Variants in HAPLN2 observed in about 807,000 individuals in gnomAD.
HAPLN2 encodes the protein hyaluronan and proteoglycan link protein 2, also known as brain link protein-1.
HAPLN2 carries 27 observed loss-of-function variants against 29.3 expected under a neutral mutation model. The ratio of observed to expected loss-of-function variants is 0.92; its 90% CI spans 0.68 to 1.27. The LOEUF (loss-of-function observed/expected upper bound fraction) is 1.27. Among genes scored for constraint, HAPLN2 ranks in the 50% most tolerant of loss-of-function variants. The probability of loss-of-function intolerance (pLI) is 0.00; values close to 1 mark genes in which losing one functional copy is unlikely to be tolerated. For synonymous variants in HAPLN2, 208 were observed against 211.7 expected, an observed-to-expected ratio of 0.98 and a Z score of 0.15; for missense variants, 454 against 484.3, an observed-to-expected ratio of 0.94 and a Z score of 0.59.
the HAPLN2 span, chr1:156,601,527 GAACCAAAATCACGGTT>G: frequency 6.8e-7 from 1 of 1,471,680 alleles, no homozygotes; most frequent in South Asian, 1.2e-5. Context: ...ACGTCCGCGG[GAACCAAAATCACGGTT>G]TTTCCAGGAG....
the HAPLN2 span, among the ~76,000 whole-genome samples, chr1:156,601,977 A>G: frequency 6.6e-6 from 1 of 151,486 alleles, no homozygotes; most frequent in Admixed American, 6.6e-5. Context: ...TCTGTTGCCC[A>G]GACTTGAGGG....
chr1:156,618,400 G>T (rs1359617048), upstream of HAPLN2, among the ~76,000 whole-genome samples: 1 of 151,396 alleles, frequency 6.6e-6, no homozygotes, highest in Non-Finnish European at 1.5e-5. Context: ...GATCTCTTGA[G>T]CCCAGGTGTT....
upstream of HAPLN2, among the ~76,000 whole-genome samples, chr1:156,618,491 T>G (rs1260198680): frequency 1.3e-5 from 2 of 150,910 alleles, no homozygotes; most frequent in African/African-American, 4.9e-5. Context: ...AAAAAAAATT[T>G]TAAAAAGGCC....
At chr1:156,621,207 C>T (rs530339099) in intron 2 of HAPLN2, among the ~76,000 whole-genome samples, 133 of 148,400 alleles carry the variant, frequency 9.0e-4, no homozygotes, top group African/African-American at 3.3e-3. Flanking sequence ...TGGTTTCAAG[C>T]GATTCTCCTG....
the HAPLN2 span, among the ~76,000 whole-genome samples, chr1:156,611,593 A>C: frequency 5.3e-5 from 8 of 152,128 alleles, no homozygotes; most frequent in East Asian, 1.2e-3. Context: ...AAACAAAAAA[A>C]CCCCTAAAAC....
chr1:156,624,317 G>A (rs769375024), intron 4 of HAPLN2, 34 bp from the exon 5 acceptor site: 2 of 1,561,356 alleles, frequency 1.3e-6, no homozygotes, highest in South Asian at 1.2e-5. Context: ...GCTCCCATCC[G>A]CTGGCCCTCC....
chr1:156,613,722 C>T, the HAPLN2 span, among the ~76,000 whole-genome samples: 2 of 151,868 alleles, frequency 1.3e-5, no homozygotes, highest in African/African-American at 4.8e-5. Context: ...TCGAGATCAG[C>T]CTGGCCAACA....
In HAPLN2 at chr1:156,623,967, GATCCTC is replaced by G. The variant is rs745679954; in HGVS notation, c.250_255del (p.Leu84_Ile85del). The G allele has an allele frequency of 4.4e-6, 7 of 1,608,256 alleles. No individual in the cohort carries two copies. In the Admixed American group the frequency reaches 1.0e-4, roughly 23 times the overall value. ...AGCCTGGGGAGCTCCGGGAAACGCT[GATCCTC>G]ATCACCAACGGACTGCACGCCCGGG... On this transcript the variant is annotated inframe_deletion, in exon 4 of 7. Transcript: ENST00000255039.
chr1:156,612,701 G>A, the HAPLN2 span, among the ~76,000 whole-genome samples: 12 of 152,276 alleles, frequency 7.9e-5, no homozygotes, highest in South Asian at 2.1e-4. Context: ...TTAGCTACGC[G>A]AAGGACTTGC....
chr1:156,603,033 A>G, the HAPLN2 span, among the ~76,000 whole-genome samples: 1 of 152,098 alleles, frequency 6.6e-6, no homozygotes, highest in Non-Finnish European at 1.5e-5. Flanking sequence ...TACTTTCAAA[A>G]CATGCTACAT....
rs757925501 is a variant in HAPLN2 at position 156,624,701 on chromosome 1, C to T, written c.657C>T (p.Gly219=). 5.6e-6 allele frequency: 9 copies of T among 1,593,312 alleles called. No homozygotes were observed. The Admixed American group carries it at 8.6e-5, about 15-fold the overall frequency. Residue 219 remains glycine, a synonymous_variant, in exon 6 of 7, where the codon GGC becomes GGT. Coordinates refer to ENST00000255039, the MANE Select transcript of HAPLN2 (RefSeq NM_021817.3). ...CACGCGCCCCGTGCGGCGGCCGAGG[C>T]CGGCCCGGGATCCGCAGCTACGGAC... is the stretch of plus-strand genomic sequence containing the variant. The part of the protein sequence containing the change: ...LTARAPCGGR[G]RPGIRSYGPR...
chr1:156,618,928 T>C (rs185939365), upstream of HAPLN2, among the ~76,000 whole-genome samples: 90 of 152,186 alleles, frequency 5.9e-4, no homozygotes, highest in African/African-American at 2.1e-3. Context: ...AGATAACTTC[T>C]CTTTTGGAGA....
the HAPLN2 span, among the ~76,000 whole-genome samples, chr1:156,604,588 A>G: frequency 3.9e-5 from 6 of 152,162 alleles, no homozygotes; most frequent in African/African-American, 1.2e-4. Flanking sequence ...TGCCCGGCCA[A>G]AGAATTCTTA....
Position 156,625,482 on chromosome 1 carries a change from A to G in HAPLN2, c.*98A>G, listed in dbSNP as rs1434594138. 5.8e-5 allele frequency: 75 copies of G among 1,286,854 alleles called. No individual in the cohort carries two copies. Among genetic ancestry groups the G allele is most frequent in the Non-Finnish European group, 7.7e-5 (74 of 960,930 alleles). 79.7% of individuals were successfully genotyped at this position (1,286,854 alleles called of 1,614,324 possible). A position where few individuals can be genotyped will look rare whatever the true frequency, so the allele number is the denominator to read the frequency against. ...TCCGGAGAGCCTCCCCTCCCTCCAGACCCGGAGCGGCCTCTCCAGACCTGC... is the reference window on the plus strand; with the variant it reads ...TCCGGAGAGCCTCCCCTCCCTCCAGGCCCGGAGCGGCCTCTCCAGACCTGC... On this transcript the variant is annotated 3_prime_UTR_variant, in exon 7 of 7. Coordinates refer to ENST00000255039, the MANE Select transcript of HAPLN2 (RefSeq NM_021817.3). This position sits in a 1 kb window ranked among gnomAD's most constrained non-coding sequence, Gnocchi z 5.7.
chr1:156,623,775 G>C, intron 3 of HAPLN2, 32 bp from the exon 4 acceptor site: 1 of 1,473,974 alleles, frequency 6.8e-7, no homozygotes, highest in Non-Finnish European at 9.0e-7. Flanking sequence ...TGAGGATTGG[G>C]GGTTCCTGCC....
Position 156,623,790 on chromosome 1 carries a change from TG to T in HAPLN2, c.86-15del, listed in dbSNP as rs1678336403. 1.3e-6 allele frequency: 2 copies of T among 1,485,080 alleles called. No individual in the cohort carries two copies. The highest frequency in any genetic ancestry group is 2.8e-5 in the South Asian group (2 of 72,068). 92.0% of individuals were successfully genotyped at this position (1,485,080 alleles called of 1,614,324 possible). ...TGAGGATTGGGGGTTCCTGCCACTG[TG>T]GCCCCCTCTGCCCAGCATCCCACCC... On this transcript the variant is annotated splice_polypyrimidine_tract_variant and intron_variant, in intron 3 of 6. Transcript: ENST00000255039.
rs1194779928 is a variant in HAPLN2, at chr1:156,624,094, C to G, written c.373C>G (p.Arg125Gly). ...IAGVRLEDEGRYRCELINGIE... is the reference protein window; with the variant it reads ...IAGVRLEDEGGYRCELINGIE... ...GGGCGTGCGCCTGGAGGACGAGGGCCGGTACCGCTGCGAGCTCATCAACGG... is the reference window on the plus strand; with the variant it reads ...GGGCGTGCGCCTGGAGGACGAGGGCGGGTACCGCTGCGAGCTCATCAACGG... The change falls in exon 4 of 7, where the codon CGG (arginine) becomes GGG (glycine). Residue 125 changes from arginine to glycine, a missense_variant. Arg to Gly is a moderately radical substitution (Grantham distance 125, BLOSUM62 -2). Coordinates refer to ENST00000255039, the MANE Select transcript of HAPLN2 (RefSeq NM_021817.3). 6.2e-6 allele frequency: 10 copies of G among 1,613,712 alleles called. No homozygotes were observed. The highest frequency in any genetic ancestry group is 6.8e-6 in the Non-Finnish European group (8 of 1,179,918).
At chr1:156,623,774 G>T in intron 3 of HAPLN2, 33 bp from the exon 4 acceptor site, 1 of 1,473,544 alleles carries the variant, frequency 6.8e-7, no homozygotes, top group East Asian at 2.4e-5. Context: ...GTGAGGATTG[G>T]GGGTTCCTGC....
rs1366472971 is a variant in HAPLN2 at position 156,625,202 on chromosome 1, G to A, written c.841G>A (p.Ala281Thr). Reference protein sequence around the residue: ...VVAKVGHLYAAWKFSGLDQCD... With the variant: ...VVAKVGHLYATWKFSGLDQCD... ...GGCCAAGGTTGGGCACCTCTACGCC[G>A]CCTGGAAGTTTTCGGGGCTAGACCA... Residue 281 changes from alanine to threonine, a missense_variant, in exon 7 of 7, where the codon GCC becomes ACC. Around this residue, in one of 3 missense-constraint regions of HAPLN2, gnomAD observed 235 missense variants for 236.9 expected, o/e 0.99. Coordinates refer to ENST00000255039, the MANE Select transcript of HAPLN2 (RefSeq NM_021817.3). The surrounding 1 kb of genome is among the most constrained non-coding windows in gnomAD (Gnocchi z 5.7). 2 of 1,556,604 alleles carry A rather than the reference G, an allele frequency of 1.3e-6. No individual in the cohort carries two copies. Among genetic ancestry groups the A allele is most frequent in the Non-Finnish European group, 1.7e-6 (2 of 1,151,704 alleles).
Sources: allele counts gnomAD v4.1 joint callset (sites outside exome capture counted in the v4.1 genomes callset), GRCh38; gene constraint gnomAD v4.1.1; regional missense constraint gnomAD v4.1.1; non-coding constraint Gnocchi (gnomAD v3.1); transcripts MANE v1.5; gene names NCBI Gene and HGNC (gene_info 2026-07-23, HGNC 2026-07-21).